Variants in ATP2B1 observed in about 807,000 individuals in gnomAD.
ATP2B1 encodes the protein ATPase plasma membrane Ca2+ transporting 1.
Under a neutral mutation model 124.2 loss-of-function variants are expected in ATP2B1, and 14 were observed. That is an observed-to-expected ratio of 0.11 (90% CI 0.07 to 0.18). The LOEUF is 0.18. ATP2B1 is among the 10% of genes least tolerant of loss of function. ATP2B1 has a pLI of 1.00. For synonymous variants in ATP2B1, 449 were observed against 492.4 expected (o/e 0.91, Z 1.17); for missense variants, 763 against 1,466.1 (o/e 0.52, Z 7.83).
At chr12:89,605,278 C>A (rs778719626) in intron 15 of ATP2B1, among the ~76,000 whole-genome samples, 6 of 152,126 alleles carry the variant, frequency 3.9e-5, no homozygotes, top group Non-Finnish European at 8.8e-5. Flanking sequence ...TGAAAGTGTT[C>A]CCCAAATTCA....
chr12:89,634,944 T>C (rs375551303), intron 4 of ATP2B1, 41 bp from the exon 5 acceptor site: 1 of 1,610,006 alleles, frequency 6.2e-7, no homozygotes, highest in African/African-American at 1.3e-5. Flanking sequence ...ATAAACAAGA[T>C]TACAGTAATT....
At chr12:89,620,376 T>A in intron 10 of ATP2B1, 136 bp from the exon 11 acceptor site, 1 of 1,158,462 alleles carries the variant, frequency 8.6e-7, no homozygotes, top group Non-Finnish European at 1.2e-6. Flanking sequence ...AAGAAGGATA[T>A]AGAAAAGTAA....
chr12:89,620,262 T>C, intron 10 of ATP2B1, 22 bp from the exon 11 acceptor site: 1 of 1,609,908 alleles, frequency 6.2e-7, no homozygotes, highest in Non-Finnish European at 8.5e-7. Context: ...AAACATTTAG[T>C]AGCTAGTATC....
At chr12:89,668,270 T>C (rs542433266) in intron 1 of ATP2B1, among the ~76,000 whole-genome samples, 1 of 152,308 alleles carries the variant, frequency 6.6e-6, no homozygotes, top group South Asian at 2.1e-4. Context: ...TCATGTTCTT[T>C]TATAGCCCCT....
chr12:89,627,396 CAAAAA>C (rs59737003), intron 7 of ATP2B1, among the ~76,000 whole-genome samples: 2 of 91,286 alleles, frequency 2.2e-5, no homozygotes, highest in Middle Eastern at 5.8e-3. Flanking sequence ...TTCCAAAATC[CAAAAA>C]AAAAAAAAAA....
At chr12:89,609,853 A>T in intron 15 of ATP2B1, 84 bp downstream of exon 15, 1 of 1,236,304 alleles carries the variant, frequency 8.1e-7, no homozygotes, top group Non-Finnish European at 1.2e-6. Context: ...TAAAATCCAT[A>T]GTAATTTAGT....
At chr12:89,602,950 CAT>C (rs1365989155) in intron 18 of ATP2B1, 91 bp downstream of exon 18, 28 of 1,116,070 alleles carry the variant, frequency 2.5e-5, no homozygotes, top group African/African-American at 6.2e-5. Context: ...CAGTTCCACA[CAT>C]GTTCCACACA....
chr12:89,687,071 A>G (rs1009815548), intron 1 of ATP2B1, among the ~76,000 whole-genome samples: 1 of 152,094 alleles, frequency 6.6e-6, no homozygotes, highest in African/African-American at 2.4e-5. Flanking sequence ...TATTCCCTGA[A>G]CAATACAGCA....
intron 20 of ATP2B1, among the ~76,000 whole-genome samples, chr12:89,597,008 C>T (rs2135891831): frequency 1.3e-5 from 2 of 152,258 alleles, no homozygotes; most frequent in South Asian, 4.1e-4. Context: ...CCAGGGTAGG[C>T]TAAGGACCCT....
Position 89,634,979 on chromosome 12 carries a change from C to T in ATP2B1, c.661+18G>A, listed in dbSNP as rs773776329. ...TTTATGTTTAGTGTCAGATGTACTG[C>T]TCTTTTTACTTACTTACCATATTTC... On this transcript the variant is annotated intron_variant, in intron 4 of 20. Transcript: ENST00000428670. The T allele has an allele frequency of 6.2e-7, 1 of 1,613,056 alleles. No homozygotes were observed. Among genetic ancestry groups the T allele is most frequent in the East Asian group, 2.2e-5 (1 of 44,860 alleles).
At chr12:89,625,220 C>T (rs913476492) in intron 8 of ATP2B1, among the ~76,000 whole-genome samples, 7 of 151,558 alleles carry the variant, frequency 4.6e-5, no homozygotes, top group African/African-American at 1.2e-4. Context: ...GAGCCGAGAT[C>T]GCACCACTGC....
At chr12:89,674,837 A>G (rs2136560024) in intron 1 of ATP2B1, among the ~76,000 whole-genome samples, 1 of 152,336 alleles carries the variant, frequency 6.6e-6, no homozygotes, top group East Asian at 1.9e-4. Flanking sequence ...CACCTCTCTG[A>G]GACAATCATC....
chr12:89,592,656 C>T (rs1873806041), intron 20 of ATP2B1, among the ~76,000 whole-genome samples: 1 of 152,068 alleles, frequency 6.6e-6, no homozygotes, highest in South Asian at 2.1e-4. Flanking sequence ...CTGCCACTTA[C>T]TACCTGAGGA....
At chr12:89,646,546 G>A (rs552928954) in intron 2 of ATP2B1, among the ~76,000 whole-genome samples, 1 of 152,156 alleles carries the variant, frequency 6.6e-6, no homozygotes, top group Admixed American at 6.5e-5. Context: ...GCCCAGAGAC[G>A]AAAAGAGGTT....
At position 89,656,014 on chromosome 12, in the gene ATP2B1, T is replaced by G. The variant is rs185641814; in HGVS notation, c.-128A>C. 1 of 964,596 alleles carries G rather than the reference T, an allele frequency of 1.0e-6. No individual in the cohort carries two copies. The highest frequency in any genetic ancestry group is 1.6e-5 in the African/African-American group (1 of 60,798). 59.8% of individuals were successfully genotyped at this position (964,596 alleles called of 1,614,324 possible). On this transcript the variant is annotated 5_prime_UTR_variant, in exon 2 of 21. Coordinates refer to ENST00000428670, the MANE Select transcript of ATP2B1 (RefSeq NM_001366521.1). The stretch of plus-strand genomic sequence containing the variant: ...AAACCAAACACTCATTGTATGACTT[T>G]GTAAAGCAGCATCAGCAGCAACATT...
chr12:89,599,685 A>AT (rs1875404169), intron 19 of ATP2B1, among the ~76,000 whole-genome samples: 1 of 152,144 alleles, frequency 6.6e-6, no homozygotes, highest in South Asian at 2.1e-4. Context: ...TTTACATTTC[A>AT]TTAATGCTGT....
At chr12:89,615,343 CCT>C (rs763925403) in intron 12 of ATP2B1, among the ~76,000 whole-genome samples, 3 of 152,032 alleles carry the variant, frequency 2.0e-5, no homozygotes, top group South Asian at 2.1e-4. Flanking sequence ...TATCATCCCC[CCT>C]GATATGCCAC....
intron 8 of ATP2B1, among the ~76,000 whole-genome samples, chr12:89,625,850 T>C (rs893243279): frequency 5.3e-5 from 8 of 152,272 alleles, no homozygotes; most frequent in Non-Finnish European, 1.0e-4. Context: ...AGCAGTAAAA[T>C]GATGCAATTT....
In ATP2B1 at chr12:89,653,451, C is replaced by G. The variant is rs533130754; in HGVS notation, c.208+2228G>C. Among the ~76,000 whole-genome samples, 71 of 151,364 alleles carry G rather than the reference C, an allele frequency of 4.7e-4. 1 individual carries two copies. Among genetic ancestry groups the G allele is most frequent in the African/African-American group, 1.7e-3 (70 of 41,298 alleles). ...AGCTGGGACTACAGGCGCCCGCCAC[C>G]GCGCCCGGCTAATTTTTTTGTATTT... On this transcript the variant is annotated intron_variant, in intron 2 of 20. Coordinates refer to ENST00000428670, the MANE Select transcript of ATP2B1 (RefSeq NM_001366521.1).
Sources: allele counts gnomAD v4.1 joint callset (sites outside exome capture counted in the v4.1 genomes callset), GRCh38; gene constraint gnomAD v4.1.1; transcripts MANE v1.5; gene names NCBI Gene and HGNC (gene_info 2026-07-23, HGNC 2026-07-21).